The following KIF26B variants were observed in gnomAD, a reference collection of about 807,000 sequenced individuals.
KIF26B encodes kinesin family member 26B, also known as kinesin-like protein KIF26B.
KIF26B carries 63 observed loss-of-function variants against 151.2 expected under a neutral mutation model. The ratio of observed to expected loss-of-function variants is 0.42; its 90% CI spans 0.34 to 0.51. The LOEUF is 0.51. Among genes scored for constraint, KIF26B ranks in the 20% least tolerant of loss-of-function variants. The pLI, the probability that KIF26B is intolerant of heterozygous loss-of-function variation, is 0.07. For missense variants in KIF26B, 2,813 were observed against 2,913.6 expected, an observed-to-expected ratio of 0.97 and a Z score of 0.79; for synonymous variants, 1,357 against 1,262.1, an observed-to-expected ratio of 1.08 and a Z score of -1.59.
In KIF26B at chr1:245,156,530, G is replaced by T. The variant is rs759209166; in HGVS notation, c.312G>T (p.Pro104=). The change falls in exon 2 of 15, where the codon CCG becomes CCT. Residue 104 remains proline (P), a synonymous_variant. Coordinates refer to ENST00000407071, the MANE Select transcript of KIF26B (RefSeq NM_018012.4). ...TSSPGSLGGS[P]GFGTGSPGSG... is the part of the protein sequence containing the mutation. ...CGCCGGGCTCCTTGGGCGGCTCTCC[G>T]GGCTTCGGCACAGGCTCCCCGGGCT... The T allele has an allele frequency of 2.0e-6, 3 of 1,535,382 alleles. No individual in the cohort carries two copies. Among genetic ancestry groups the T allele is most frequent in the Admixed American group, 3.8e-5 (2 of 52,552 alleles).
intron 2 of KIF26B, among the ~76,000 whole-genome samples, chr1:245,346,168 C>A (rs1320633116): frequency 4.6e-5 from 7 of 152,100 alleles, no homozygotes; most frequent in African/African-American, 1.4e-4. Flanking sequence ...TGGTCTTGAA[C>A]TCCTGACCTC....
chr1:245,158,861 TGTGTGTGTG>T lies in KIF26B; in HGVS notation c.465+2187_465+2195del, dbSNP rs1573678714. 2.1e-4 allele frequency among the ~76,000 whole-genome samples: 11 copies of T among 51,494 alleles called. No homozygotes were observed. The East Asian group carries it at 4.7e-3, about 22-fold the overall frequency. The allele number at this position is 51,494 out of a possible 152,430, so 33.8% of individuals were successfully genotyped here. On this transcript the variant is annotated intron_variant, in intron 2 of 14. Transcript: ENST00000407071. The stretch of plus-strand genomic sequence containing the variant: ...AATTGTGTGTGTGTGTGTGTGTGTG[TGTGTGTGTG>T]GTGTGTGTTTTAAGCATTTGTACCT...
chr1:245,436,932 G>A (rs958209740), intron 4 of KIF26B, among the ~76,000 whole-genome samples: 1 of 133,964 alleles, frequency 7.5e-6, no homozygotes, highest in African/African-American at 2.7e-5. Context: ...TGTTGTCCAG[G>A]TTGGAGTGCA....
At chr1:245,384,654 C>T (rs908449082) in intron 3 of KIF26B, among the ~76,000 whole-genome samples, 1 of 152,186 alleles carries the variant, frequency 6.6e-6, no homozygotes, top group African/African-American at 2.4e-5. Flanking sequence ...TCACCACCTG[C>T]ATGGAGGAAT....
At position 245,417,103 on chromosome 1, in the gene KIF26B, CTG is replaced by C. The variant is rs1674438668; in HGVS notation, c.1000-2475_1000-2474del. Among the ~76,000 whole-genome samples, 9 of 135,060 alleles carry C rather than the reference CTG, an allele frequency of 6.7e-5. No individual in the cohort carries two copies. The East Asian group carries it at 7.9e-4, about 12-fold the overall frequency. The allele number at this position is 135,060 out of a possible 152,430, so 88.6% of individuals were successfully genotyped here. On this transcript the variant is annotated intron_variant, in intron 3 of 14. Transcript: ENST00000407071. Reference sequence around the variant, plus strand: ...CGCCCCATCATGACACTGGCTGTGTCTGAAAAATGGAGCAGGAAAGGCAGCGT... The same window carrying C: ...CGCCCCATCATGACACTGGCTGTGTCAAAAATGGAGCAGGAAAGGCAGCGT...
chr1:245,597,030 C>T lies in KIF26B; in HGVS notation c.1351-5547C>T, dbSNP rs1265850998. Among the ~76,000 whole-genome samples the T allele has an allele frequency of 6.6e-6, 1 of 151,486 alleles. No homozygotes were observed. Among genetic ancestry groups the T allele is most frequent in the African/African-American group, 2.4e-5 (1 of 41,322 alleles). ...CCCTTTATTTTGAGGCTATGTGTGA[C>T]TCAGATGGGTCTCCTGAATACAGCA... On this transcript the variant is annotated intron_variant, in intron 5 of 14. Coordinates refer to ENST00000407071, the MANE Select transcript of KIF26B (RefSeq NM_018012.4). This position sits in a 1 kb window ranked among gnomAD's most constrained non-coding sequence, Gnocchi z 4.6.
intron 4 of KIF26B, among the ~76,000 whole-genome samples, chr1:245,494,997 T>C (rs1387674092): frequency 6.6e-6 from 1 of 152,010 alleles, no homozygotes; most frequent in African/African-American, 2.4e-5. Context: ...TCAACTTCAC[T>C]TCAGCCTGAG....
intron 2 of KIF26B, among the ~76,000 whole-genome samples, chr1:245,362,278 C>T (rs1572023378): frequency 6.7e-6 from 1 of 150,356 alleles, no homozygotes. Context: ...CCGGTAATCC[C>T]AGCACGTTGG....
At chr1:245,158,786 G>A (rs1362328946) in intron 2 of KIF26B, among the ~76,000 whole-genome samples, 2 of 152,058 alleles carry the variant, frequency 1.3e-5, no homozygotes, top group African/African-American at 2.4e-5. Context: ...GTAATGAGAT[G>A]TGGGGCCTCA....
intron 3 of KIF26B, among the ~76,000 whole-genome samples, chr1:245,386,969 G>T (rs917694642): frequency 1.3e-5 from 2 of 152,110 alleles, no homozygotes; most frequent in African/African-American, 4.8e-5. Context: ...CATGGCAGGG[G>T]CACAGATATC....
In KIF26B at chr1:245,602,890, T is replaced by A; in HGVS notation, c.1557+107T>A. ...GAGGGTGTCTTCTGGAGCATTCTGA[T>A]GGACCAGTTCCTTCAGGAGTCAATC... On this transcript the variant is annotated intron_variant, in intron 6 of 14. Coordinates refer to ENST00000407071, the MANE Select transcript of KIF26B (RefSeq NM_018012.4). The surrounding 1 kb of genome is among the most constrained non-coding windows in gnomAD (Gnocchi z 4.5). 1.0e-6 allele frequency: 1 copy of A among 981,078 alleles called. No individual in the cohort carries two copies. The highest frequency in any genetic ancestry group is 1.4e-5 in the South Asian group (1 of 73,168). The allele number at this position is 981,078 out of a possible 1,614,324, so 60.8% of individuals were successfully genotyped here. A position where few individuals can be genotyped will look rare whatever the true frequency, so the allele number is the denominator to read the frequency against.
Position 245,698,995 on chromosome 1 carries a change from A to G in KIF26B, c.6136A>G (p.Lys2046Glu). The change falls in exon 14 of 15, where the codon AAA becomes GAA. Residue 2046 changes from lysine (K) to glutamate (E), a missense_variant. Lys to Glu is a moderately conservative substitution (Grantham distance 56). Coordinates refer to ENST00000407071, the MANE Select transcript of KIF26B (RefSeq NM_018012.4). The surrounding 1 kb of genome is among the most constrained non-coding windows in gnomAD (Gnocchi z 4.0). ...EWLMKELEAT[K>E]QYLMLDPNKW... Reference sequence around the variant, plus strand: ...GCTGATGAAGGAGCTGGAGGCGACCAAACAGTATCTGATGCTGGATCCCAA... The same window carrying G: ...GCTGATGAAGGAGCTGGAGGCGACCGAACAGTATCTGATGCTGGATCCCAA... 1 of 1,614,020 alleles carries G rather than the reference A, an allele frequency of 6.2e-7. No individual in the cohort carries two copies. The highest frequency in any genetic ancestry group is 8.5e-7 in the Non-Finnish European group (1 of 1,179,890).
At chr1:245,403,122 C>T (rs1674046966) in intron 3 of KIF26B, among the ~76,000 whole-genome samples, 1 of 152,054 alleles carries the variant, frequency 6.6e-6, no homozygotes, top group African/African-American at 2.4e-5. Context: ...GTGTGCACCA[C>T]CATGTCTGGC....
chr1:245,184,310 C>T (rs907217097), intron 2 of KIF26B, among the ~76,000 whole-genome samples: 8 of 151,854 alleles, frequency 5.3e-5, no homozygotes, highest in Non-Finnish European at 1.0e-4. Context: ...GTAACATGAG[C>T]TCCAGGCCAG....
intron 4 of KIF26B, among the ~76,000 whole-genome samples, chr1:245,509,802 T>G (rs1467716911): frequency 6.6e-6 from 1 of 152,234 alleles, no homozygotes; most frequent in African/African-American, 2.4e-5. Flanking sequence ...TTGTGCTTCC[T>G]GCTACCATGG....
At chr1:245,509,573 C>CA (rs1660790361) in intron 4 of KIF26B, among the ~76,000 whole-genome samples, 2 of 152,226 alleles carry the variant, frequency 1.3e-5, no homozygotes, top group Admixed American at 1.3e-4. Context: ...TTCATCCATT[C>CA]ACTTGCTCAA....
At chr1:245,643,818 T>A (rs1272436674) in intron 9 of KIF26B, among the ~76,000 whole-genome samples, 1 of 152,242 alleles carries the variant, frequency 6.6e-6, no homozygotes, top group Non-Finnish European at 1.5e-5. Context: ...AAAACATTGC[T>A]CCACTGTCTT....
At chr1:245,258,473 G>A (rs556343270) in intron 2 of KIF26B, among the ~76,000 whole-genome samples, 4 of 152,292 alleles carry the variant, frequency 2.6e-5, no homozygotes, top group Admixed American at 6.5e-5. Flanking sequence ...GGCAAACAGT[G>A]GTGTTGGTAT....
rs1449147767 is a variant in KIF26B at position 245,602,509 on chromosome 1, A to G, written c.1351-68A>G. On this transcript the variant is annotated intron_variant, in intron 5 of 14. Coordinates refer to ENST00000407071, the MANE Select transcript of KIF26B (RefSeq NM_018012.4). The surrounding 1 kb of genome is among the most constrained non-coding windows in gnomAD (Gnocchi z 4.5). ...CATGTGCATGTATATCGCAGAGTAT[A>G]CAAGGGTGCTCCATCGTAAAACACC... 3.2e-6 allele frequency: 4 copies of G among 1,262,412 alleles called. No homozygotes were observed. Among genetic ancestry groups the G allele is most frequent in the Non-Finnish European group, 4.5e-6 (4 of 884,192 alleles). 78.2% of individuals were successfully genotyped at this position (1,262,412 alleles called of 1,614,324 possible).
Sources: allele counts gnomAD v4.1 joint callset (sites outside exome capture counted in the v4.1 genomes callset), GRCh38; gene constraint gnomAD v4.1.1; non-coding constraint Gnocchi (gnomAD v3.1); transcripts MANE v1.5; gene names NCBI Gene and HGNC (gene_info 2026-07-23, HGNC 2026-07-21).